Variants in CYP2E1 observed in about 807,000 individuals in gnomAD.
CYP2E1 encodes cytochrome P450 family 2 subfamily E member 1, also known as cytochrome P450 2E1.
CYP2E1 carries 31 observed loss-of-function variants against 42.9 expected under a neutral mutation model. That is an observed-to-expected ratio of 0.72 (90% CI 0.54 to 0.98). The LOEUF (loss-of-function observed/expected upper bound fraction) is 0.98. Among genes scored for constraint, CYP2E1 ranks in the 50% least tolerant of loss-of-function variants. The probability of loss-of-function intolerance (pLI) is 0.00; values close to 1 mark genes in which losing one functional copy is unlikely to be tolerated. For synonymous variants in CYP2E1, 244 were observed against 248.9 expected, an observed-to-expected ratio of 0.98 and a Z score of 0.19; for missense variants, 565 against 633.2, an observed-to-expected ratio of 0.89 and a Z score of 1.16.
Position 133,527,376 on chromosome 10 carries a change from A to T in CYP2E1, c.-20A>T, listed in dbSNP as rs1312706606. The T allele has an allele frequency of 6.3e-7, 1 of 1,586,712 alleles. No homozygotes were observed. The highest frequency in any genetic ancestry group is 2.3e-5 in the East Asian group (1 of 44,284). On this transcript the variant is annotated 5_prime_UTR_variant, in exon 1 of 9. Coordinates refer to ENST00000252945, the MANE Select transcript of CYP2E1 (RefSeq NM_000773.4). ...CCACAGGATTGTCTCCCGGGCTGGC[A>T]GCAGGGCCCCAGCGGCACCATGTCT... is the stretch of plus-strand genomic sequence containing the variant.
intron 1 of CYP2E1, chr10:133,528,169 A>C: frequency 1.8e-4 from 49 of 271,024 alleles, no homozygotes; most frequent in Non-Finnish European, 2.3e-4. Flanking sequence ...GAAGCGGGCA[A>C]CGGGGTGGTT....
At chr10:133,536,410 C>CGGAT (rs1564849578) in intron 6 of CYP2E1, among the ~76,000 whole-genome samples, 2 of 148,868 alleles carry the variant, frequency 1.3e-5, no homozygotes, top group African/African-American at 2.5e-5. Context: ...GGTGGATGGA[C>CGGAT]GGACGGATGG....
At chr10:133,537,945 A>C (rs961765977) in intron 8 of CYP2E1, 53 bp downstream of exon 8, 2 of 1,572,342 alleles carry the variant, frequency 1.3e-6, no homozygotes, top group East Asian at 2.2e-5. Context: ...CACACTCCTC[A>C]TCTCCCCTCC....
Position 133,539,013 on chromosome 10 carries a change from T to A in CYP2E1, c.*49T>A. On this transcript the variant is annotated 3_prime_UTR_variant, in exon 9 of 9. Transcript: ENST00000252945. The stretch of plus-strand genomic sequence containing the variant: ...CCCCGCTTTCAAACAAGTTTTCAAA[T>A]TGTTTGAGGTCAGGATTTCTCAAAC... 6 of 1,470,620 alleles carry A rather than the reference T, an allele frequency of 4.1e-6. No homozygotes were observed. The highest frequency in any genetic ancestry group is 5.5e-6 in the Non-Finnish European group (6 of 1,089,320). 91.1% of individuals were successfully genotyped at this position (1,470,620 alleles called of 1,614,324 possible). A position where few individuals can be genotyped will look rare whatever the true frequency, so the allele number is the denominator to read the frequency against.
At chr10:133,533,697 T>C (rs1442649700) in intron 5 of CYP2E1, 59 bp from the exon 6 acceptor site, 1 of 1,593,250 alleles carries the variant, frequency 6.3e-7, no homozygotes, top group Non-Finnish European at 8.6e-7. Context: ...AGGTGGCTGG[T>C]TCTGTGCTGA....
At chr10:133,532,909 G>T in intron 5 of CYP2E1, 41 bp downstream of exon 5, 2 of 1,534,202 alleles carry the variant, frequency 1.3e-6, no homozygotes, top group Non-Finnish European at 1.8e-6. Context: ...TCCGGGGTGG[G>T]CAGAGAATGC....
intron 6 of CYP2E1, among the ~76,000 whole-genome samples, chr10:133,535,747 G>A (rs1373673967): frequency 6.6e-6 from 1 of 152,180 alleles, no homozygotes; most frequent in Non-Finnish European, 1.5e-5. Flanking sequence ...AAAAGAAAAT[G>A]TGTTACAGAG....
chr10:133,536,884 C>T (rs185351260), intron 6 of CYP2E1, among the ~76,000 whole-genome samples, 179 bp from the exon 7 acceptor site: 1 of 129,458 alleles, frequency 7.7e-6, no homozygotes, highest in Non-Finnish European at 1.7e-5. Context: ...TGGATGGATG[C>T]ATGGGTGGAT....
chr10:133,533,054 G>C (rs1418684388), intron 5 of CYP2E1, among the ~76,000 whole-genome samples, 186 bp downstream of exon 5: 1 of 152,224 alleles, frequency 6.6e-6, no homozygotes, highest in Non-Finnish European at 1.5e-5. Context: ...TGGCTGCCAA[G>C]CTGGCCTGGG....
At position 133,533,927 on chromosome 10, in the gene CYP2E1, G is replaced by A. The variant is rs763804505; in HGVS notation, c.967+30G>A. 37 of 1,612,314 alleles carry A rather than the reference G, an allele frequency of 2.3e-5. No homozygotes were observed. In the Middle Eastern group the frequency reaches 9.9e-4, roughly 43 times the overall value. On this transcript the variant is annotated intron_variant, in intron 6 of 8. Coordinates refer to ENST00000252945, the MANE Select transcript of CYP2E1 (RefSeq NM_000773.4). The stretch of plus-strand genomic sequence containing the variant: ...GCAAGTGACTGAAGGGACACCGTGC[G>A]TGCGGCTGCATCTCCCTGGATGGCC...
chr10:133,532,747 T>A lies in CYP2E1; in HGVS notation c.704T>A (p.Val235Asp). Residue 235 changes from valine to aspartate, a missense_variant, in exon 5 of 9, where the codon GTC becomes GAC. Coordinates refer to ENST00000252945, the MANE Select transcript of CYP2E1 (RefSeq NM_000773.4). ...LHYLPGSHRK[V>D]IKNVAEVKEY... ...TACTTGCCTGGAAGCCACAGAAAAGTCATAAAAAATGTGGCTGAAGTAAAA... is the reference window on the plus strand; with the variant it reads ...TACTTGCCTGGAAGCCACAGAAAAGACATAAAAAATGTGGCTGAAGTAAAA... The A allele has an allele frequency of 6.2e-7, 1 of 1,613,146 alleles. No individual in the cohort carries two copies. Among genetic ancestry groups the A allele is most frequent in the East Asian group, 2.2e-5 (1 of 44,812 alleles).
intron 2 of CYP2E1, among the ~76,000 whole-genome samples, chr10:133,529,094 A>C (rs1309954849): frequency 6.6e-6 from 1 of 152,240 alleles, no homozygotes; most frequent in Non-Finnish European, 1.5e-5. Flanking sequence ...GGTGACCTCC[A>C]GAGAGGGAGT....
intron 5 of CYP2E1, among the ~76,000 whole-genome samples, chr10:133,533,192 C>T (rs2070675): frequency 0.25 from 38,093 of 151,994 alleles, 5,315 homozygotes; most frequent in East Asian, 0.43. Context: ...TGTGGGCATG[C>T]ACTCCCCAAC....
chr10:133,537,989 G>C, intron 8 of CYP2E1, 97 bp downstream of exon 8: 1 of 1,266,430 alleles, frequency 7.9e-7, no homozygotes, highest in Admixed American at 2.2e-5. Flanking sequence ...GGCACCCACT[G>C]ACACCCCAAA....
intron 5 of CYP2E1, 102 bp from the exon 6 acceptor site, chr10:133,533,654 G>A (rs922176539): frequency 3.0e-6 from 4 of 1,343,032 alleles, no homozygotes; most frequent in African/African-American, 2.9e-5. Flanking sequence ...AGAGCCTCTT[G>A]GACACTGTCT....
At chr10:133,534,856 T>A (rs1424625034) in intron 6 of CYP2E1, among the ~76,000 whole-genome samples, 1 of 117,302 alleles carries the variant, frequency 8.5e-6, no homozygotes, top group Non-Finnish European at 1.8e-5. Context: ...TTCTTCTTCT[T>A]TTTATTTATT....
intron 1 of CYP2E1, 110 bp from the exon 2 acceptor site, chr10:133,528,371 C>T: frequency 3.8e-6 from 5 of 1,315,596 alleles, no homozygotes; most frequent in Non-Finnish European, 5.2e-6. Flanking sequence ...CCCCACGTCC[C>T]TCTGGGTTCT....
Position 133,527,603 on chromosome 10 carries a change from A to G in CYP2E1, c.177+31A>G, listed in dbSNP as rs776702559. 12 of 1,556,920 alleles carry G rather than the reference A, an allele frequency of 7.7e-6. No homozygotes were observed. In the East Asian group the frequency reaches 2.7e-4, roughly 35 times the overall value. On this transcript the variant is annotated intron_variant, in intron 1 of 8. Coordinates refer to ENST00000252945, the MANE Select transcript of CYP2E1 (RefSeq NM_000773.4). Reference sequence around the variant, plus strand: ...AGAAATAGTGTTGATTTTAGGGAGAATAACTCAGCAATTGGATCTGGTATG... The same window carrying G: ...AGAAATAGTGTTGATTTTAGGGAGAGTAACTCAGCAATTGGATCTGGTATG...
chr10:133,535,673 G>A (rs1266813366), intron 6 of CYP2E1, among the ~76,000 whole-genome samples: 1 of 152,152 alleles, frequency 6.6e-6, no homozygotes, highest in Non-Finnish European at 1.5e-5. Flanking sequence ...TGATTGACAT[G>A]TATATATCCA....
Sources: allele counts gnomAD v4.1 joint callset (sites outside exome capture counted in the v4.1 genomes callset), GRCh38; gene constraint gnomAD v4.1.1; transcripts MANE v1.5; gene names NCBI Gene and HGNC (gene_info 2026-07-23, HGNC 2026-07-21).